CLEC16A: variants seen among roughly 807,000 people sequenced by gnomAD.
CLEC16A encodes the protein C-type lectin domain containing 16A.
Under a neutral mutation model 109.5 loss-of-function variants are expected in CLEC16A, and 51 were observed. The ratio of observed to expected loss-of-function variants is 0.47; its 90% confidence interval spans 0.37 to 0.59. The LOEUF is 0.59. Ranked by LOEUF, CLEC16A falls within the 20% of genes least tolerant of loss-of-function variation. CLEC16A has a pLI of 0.00. For synonymous variants in CLEC16A, 673 were observed against 564.2 expected (o/e 1.19, Z -2.73); for missense variants, 1,339 against 1,394.0 (o/e 0.96, Z 0.63).
At chr16:11,058,538 T>C (rs2048326488) in intron 18 of CLEC16A, among the ~76,000 whole-genome samples, 2 of 150,746 alleles carry the variant, frequency 1.3e-5, no homozygotes, top group South Asian at 4.2e-4. Context: ...TTTTTTTTAA[T>C]ATTTTTGATC....
At chr16:11,135,511 G>C (rs1211004909) in intron 22 of CLEC16A, among the ~76,000 whole-genome samples, 1 of 152,232 alleles carries the variant, frequency 6.6e-6, no homozygotes, top group African/African-American at 2.4e-5. Context: ...GGGAGGTGGA[G>C]GGAGGGGAAG....
chr16:11,130,154 G>A (rs758195025), intron 22 of CLEC16A, among the ~76,000 whole-genome samples: 37 of 152,176 alleles, frequency 2.4e-4, no homozygotes, highest in Middle Eastern at 6.3e-3. Flanking sequence ...TGCAGAGAGG[G>A]TTGCCTGCGT....
At position 10,961,680 on chromosome 16, in the gene CLEC16A, A is replaced by G. The variant is rs1240747367; in HGVS notation, c.210-775A>G. ...GATGGGTTAGTAGGGTTTCTCCACCACATCAGTACCTGTGTATTTCTTTCT... is the reference window on the plus strand; with the variant it reads ...GATGGGTTAGTAGGGTTTCTCCACCGCATCAGTACCTGTGTATTTCTTTCT... On this transcript the variant is annotated intron_variant, in intron 2 of 23. Coordinates refer to ENST00000409790, the MANE Select transcript of CLEC16A (RefSeq NM_015226.3). The surrounding 1 kb of genome is among the most constrained non-coding windows in gnomAD (Gnocchi z 4.3). Among the ~76,000 whole-genome samples the G allele has an allele frequency of 6.6e-6, 1 of 152,204 alleles. No individual in the cohort carries two copies.
chr16:11,169,625 G>A (rs1234881893), intron 23 of CLEC16A, among the ~76,000 whole-genome samples: 1 of 152,224 alleles, frequency 6.6e-6, no homozygotes, highest in African/African-American at 2.4e-5. Context: ...GTTTGGCTGG[G>A]CAAGTACACA....
chr16:10,957,541 T>C (rs980029289), intron 1 of CLEC16A, among the ~76,000 whole-genome samples: 1 of 152,266 alleles, frequency 6.6e-6, no homozygotes, highest in Non-Finnish European at 1.5e-5. Flanking sequence ...AGTAGTTGAC[T>C]TCAAGGGTTT....
intron 19 of CLEC16A, among the ~76,000 whole-genome samples, chr16:11,074,635 C>T (rs554166653): frequency 6.6e-6 from 1 of 152,104 alleles, no homozygotes; most frequent in African/African-American, 2.4e-5. Context: ...TATAAACTTA[C>T]AATCATAATT....
chr16:11,134,067 A>C (rs1159941823), intron 22 of CLEC16A, among the ~76,000 whole-genome samples: 4 of 152,138 alleles, frequency 2.6e-5, no homozygotes, highest in Non-Finnish European at 1.5e-5. Flanking sequence ...AGCAGGTCAG[A>C]AAGTGGCCTA....
chr16:11,169,492 G>A (rs561275345), intron 23 of CLEC16A, among the ~76,000 whole-genome samples: 1 of 152,230 alleles, frequency 6.6e-6, no homozygotes, highest in Admixed American at 6.5e-5. Flanking sequence ...TCACCATGTT[G>A]GCCAGGCTGG....
At chr16:10,995,941 A>G (rs2044301198) in intron 10 of CLEC16A, among the ~76,000 whole-genome samples, 2 of 152,276 alleles carry the variant, frequency 1.3e-5, no homozygotes, top group Admixed American at 6.5e-5. Context: ...TCTTAGCTTG[A>G]TTATCACAAC....
intron 1 of CLEC16A, among the ~76,000 whole-genome samples, chr16:10,956,901 A>G (rs1020152472): frequency 1.3e-5 from 2 of 151,992 alleles, no homozygotes; most frequent in African/African-American, 2.4e-5. Flanking sequence ...GGTTCAAGCA[A>G]TTCTCCCTGC....
intron 11 of CLEC16A, among the ~76,000 whole-genome samples, chr16:11,005,411 C>T (rs1278409298): frequency 6.6e-6 from 1 of 152,164 alleles, no homozygotes; most frequent in Non-Finnish European, 1.5e-5. Context: ...ACACAGGACC[C>T]AGGAATCTCC....
chr16:11,113,842 G>T (rs1413825894), intron 19 of CLEC16A, among the ~76,000 whole-genome samples: 2 of 152,182 alleles, frequency 1.3e-5, no homozygotes, highest in Non-Finnish European at 2.9e-5. Flanking sequence ...CCTTCTTGCT[G>T]GAAAATTGAC....
Position 11,180,377 on chromosome 16 carries a change from GAA to G in CLEC16A, c.*1690_*1691del, listed in dbSNP as rs1567429794. On this transcript the variant is annotated 3_prime_UTR_variant, in exon 24 of 24. Transcript: ENST00000409790. ...GTACAAGGACCTTTGCTTCCATAGA[GAA>G]AACGCACAGCTCAGAAAGGGGGCCA... 2 of 152,298 alleles carry G rather than the reference GAA, an allele frequency of 1.3e-5. No individual in the cohort carries two copies. The highest frequency in any genetic ancestry group is 4.8e-5 in the African/African-American group (2 of 41,440). 9.4% of individuals were successfully genotyped at this position (152,298 alleles called of 1,614,324 possible). A position where few individuals can be genotyped will look rare whatever the true frequency, so the allele number is the denominator to read the frequency against.
At chr16:11,157,263 G>A (rs1304284786) in intron 22 of CLEC16A, 9 of 1,178,918 alleles carry the variant, frequency 7.6e-6, no homozygotes, top group Admixed American at 4.0e-5. Context: ...TGATGTGGGG[G>A]TCGCCCATGG....
intron 21 of CLEC16A, 132 bp from the exon 22 acceptor site, chr16:11,125,847 C>A: frequency 2.4e-6 from 2 of 840,234 alleles, no homozygotes; most frequent in Non-Finnish European, 3.8e-6. Flanking sequence ...AGGCTGCCTG[C>A]CGCCCACTTG....
chr16:11,174,812 A>G lies in CLEC16A; in HGVS notation c.2807-3523A>G, dbSNP rs545854601. Among the ~76,000 whole-genome samples, 2 of 152,352 alleles carry G rather than the reference A, an allele frequency of 1.3e-5. No homozygotes were observed. The highest frequency in any genetic ancestry group is 1.3e-4 in the Admixed American group (2 of 15,310). ...CCGGAAGCCAAGAGCCATTTCCCTC[A>G]TAGACACATGGATGGATGTGGCCCC... On this transcript the variant is annotated intron_variant, in intron 23 of 23. Transcript: ENST00000409790. The surrounding 1 kb of genome is among the most constrained non-coding windows in gnomAD (Gnocchi z 4.7).
intron 1 of CLEC16A, among the ~76,000 whole-genome samples, chr16:10,952,330 C>T (rs1425658930): frequency 6.6e-6 from 1 of 152,182 alleles, no homozygotes; most frequent in Non-Finnish European, 1.5e-5. Context: ...CCCATCTCTA[C>T]TAAAAGTACA....
intron 22 of CLEC16A, among the ~76,000 whole-genome samples, chr16:11,155,910 C>T (rs1245189604): frequency 6.6e-6 from 1 of 152,210 alleles, no homozygotes; most frequent in Middle Eastern, 3.2e-3. Context: ...TGCAGAGAAT[C>T]AAGACTAATT....
chr16:11,061,971 C>T (rs1384909552), intron 19 of CLEC16A, among the ~76,000 whole-genome samples: 1 of 152,212 alleles, frequency 6.6e-6, no homozygotes, highest in Non-Finnish European at 1.5e-5. Flanking sequence ...GCCAGCTACA[C>T]AGCCCTGATG....
Sources: allele counts gnomAD v4.1 joint callset (sites outside exome capture counted in the v4.1 genomes callset), GRCh38; gene constraint gnomAD v4.1.1; non-coding constraint Gnocchi (gnomAD v3.1); transcripts MANE v1.5; gene names NCBI Gene and HGNC (gene_info 2026-07-23, HGNC 2026-07-21).